Variants in LRRFIP2 observed in about 807,000 individuals in gnomAD.
LRRFIP2 encodes leucine-rich repeat flightless-interacting protein 2.
LRRFIP2 carries 109 observed loss-of-function variants against 125.9 expected under a neutral mutation model. That is an observed-to-expected ratio of 0.87 (90% confidence interval 0.74 to 1.01). The LOEUF is 1.01. LRRFIP2 is among the 50% of genes least tolerant of loss of function. LRRFIP2 has a pLI of 0.00. For missense variants in LRRFIP2, 850 were observed against 862.3 expected (o/e 0.99, Z 0.18); for synonymous variants, 291 against 293.1 (o/e 0.99, Z 0.07).
chr3:37,105,571 G>T (rs907539936), intron 13 of LRRFIP2, 48 bp from the exon 14 acceptor site: 1 of 1,392,022 alleles, frequency 7.2e-7, no homozygotes, highest in Non-Finnish European at 1.0e-6. Flanking sequence ...TTTTGCTATG[G>T]TGTTACCTCA....
At chr3:37,132,212 G>C (rs2095445146) in intron 2 of LRRFIP2, among the ~76,000 whole-genome samples, 1 of 151,748 alleles carries the variant, frequency 6.6e-6, no homozygotes, top group Non-Finnish European at 1.5e-5. Context: ...AAATCACAAA[G>C]CATCAAAACT....
intron 25 of LRRFIP2, among the ~76,000 whole-genome samples, chr3:37,058,430 C>G (rs1575756907): frequency 6.6e-6 from 1 of 152,024 alleles, no homozygotes; most frequent in South Asian, 2.1e-4. Context: ...TCCCAGCACT[C>G]TGGGAGGCTG....
intron 2 of LRRFIP2, among the ~76,000 whole-genome samples, chr3:37,137,947 A>T (rs781654583): frequency 1.2e-4 from 18 of 152,080 alleles, no homozygotes; most frequent in Non-Finnish European, 2.1e-4. Flanking sequence ...CCTTGAATCC[A>T]TCCTCTCCAT....
At chr3:37,066,182 A>G (rs767666717) in intron 22 of LRRFIP2, 42 bp downstream of exon 22, 5 of 1,531,894 alleles carry the variant, frequency 3.3e-6, no homozygotes, top group East Asian at 2.3e-5. Context: ...GATAGAGAGT[A>G]AAACAGTGAG....
chr3:37,108,067 GC>G lies in LRRFIP2; in HGVS notation c.714+5del, dbSNP rs2094410072. 6.2e-7 allele frequency: 1 copy of G among 1,612,984 alleles called. No homozygotes were observed. The highest frequency in any genetic ancestry group is 1.3e-5 in the African/African-American group (1 of 74,882). On this transcript the variant is annotated splice_donor_5th_base_variant and intron_variant, in intron 13 of 27. Transcript: ENST00000336686. ...CTACAAAGCATGCAGAGACTAGACA[GC>G]TCACCCCTGGACTGCTTCGGGCTGA...
At chr3:37,112,435 A>C in intron 8 of LRRFIP2, among the ~76,000 whole-genome samples, 1 of 152,202 alleles carries the variant, frequency 6.6e-6, no homozygotes, top group Non-Finnish European at 1.5e-5. Flanking sequence ...CTGCAGTTTA[A>C]TTACATTATA....
chr3:37,145,018 G>A (rs1577432419), intron 2 of LRRFIP2, among the ~76,000 whole-genome samples: 1 of 152,248 alleles, frequency 6.6e-6, no homozygotes, highest in East Asian at 1.9e-4. Context: ...GACAAATTAA[G>A]AGACATAATA....
intron 27 of LRRFIP2, 96 bp from the exon 28 acceptor site, chr3:37,054,057 C>A: frequency 1.3e-6 from 1 of 794,382 alleles, no homozygotes; most frequent in South Asian, 1.4e-5. Context: ...GCACTGCTAA[C>A]TGTGATGGCC....
intron 19 of LRRFIP2, among the ~76,000 whole-genome samples, chr3:37,077,769 A>G (rs899260873): frequency 6.6e-6 from 1 of 152,238 alleles, no homozygotes; most frequent in Non-Finnish European, 1.5e-5. Flanking sequence ...CCATTGATAG[A>G]TGAATGCATA....
chr3:37,054,268 A>T, intron 27 of LRRFIP2, 143 bp downstream of exon 27: 1 of 656,790 alleles, frequency 1.5e-6, no homozygotes, highest in South Asian at 1.9e-5. Flanking sequence ...GTCACTATGC[A>T]GGTCAAAAAC....
intron 26 of LRRFIP2, 140 bp downstream of exon 26, chr3:37,054,946 T>C (rs755847232): frequency 2.0e-5 from 12 of 604,662 alleles, no homozygotes; most frequent in South Asian, 4.1e-5. Context: ...TCCCAACAAG[T>C]GCTCTCTGCT....
At chr3:37,084,432 G>A (rs988154227) in intron 18 of LRRFIP2, among the ~76,000 whole-genome samples, 2 of 152,042 alleles carry the variant, frequency 1.3e-5, no homozygotes, top group South Asian at 4.1e-4. Flanking sequence ...GGAGGCCAAG[G>A]GGGTAGACTG....
chr3:37,076,494 C>T (rs2148940778), intron 19 of LRRFIP2, among the ~76,000 whole-genome samples: 1 of 152,190 alleles, frequency 6.6e-6, no homozygotes, highest in African/African-American at 2.4e-5. Context: ...TGCCATTGCA[C>T]TCCAGCCTGA....
chr3:37,169,174 C>G (rs927175549), intron 1 of LRRFIP2, among the ~76,000 whole-genome samples: 1 of 152,074 alleles, frequency 6.6e-6, no homozygotes, highest in Admixed American at 6.6e-5. Context: ...ACAAAATTAC[C>G]TAATGATGCA....
chr3:37,073,065 AG>A (rs2091507158), intron 20 of LRRFIP2, among the ~76,000 whole-genome samples, 183 bp from the exon 21 acceptor site: 1 of 149,264 alleles, frequency 6.7e-6, no homozygotes, highest in African/African-American at 2.6e-5. Context: ...CTTGGCCACA[AG>A]ATTCTTATTG....
intron 12 of LRRFIP2, 66 bp downstream of exon 12, chr3:37,108,571 T>TC: frequency 7.4e-7 from 1 of 1,344,914 alleles, no homozygotes; most frequent in Non-Finnish European, 1.0e-6. Flanking sequence ...TGACTTTTTC[T>TC]TTGAAAGTAA....
At position 37,127,522 on chromosome 3, in the gene LRRFIP2, C is replaced by T. The variant is rs554325332; in HGVS notation, c.228+108G>A. The T allele has an allele frequency of 4.9e-5, 54 of 1,108,820 alleles. No individual in the cohort carries two copies. The African/African-American group carries it at 8.1e-4, about 17-fold the overall frequency. 68.7% of individuals were successfully genotyped at this position (1,108,820 alleles called of 1,614,324 possible). ...ATAGACACTCTGACCTTTAGGTTCACACAGGCCAAACACTCCTACTTTGCA... is the reference window on the plus strand; with the variant it reads ...ATAGACACTCTGACCTTTAGGTTCATACAGGCCAAACACTCCTACTTTGCA... On this transcript the variant is annotated intron_variant, in intron 4 of 27. Transcript: ENST00000336686.
intron 25 of LRRFIP2, among the ~76,000 whole-genome samples, chr3:37,057,350 C>T (rs1355771426): frequency 6.6e-6 from 1 of 152,156 alleles, no homozygotes; most frequent in Non-Finnish European, 1.5e-5. Context: ...GTAGTAGCTT[C>T]CTAACTAGTC....
chr3:37,079,493 A>C (rs1277190027), intron 19 of LRRFIP2, among the ~76,000 whole-genome samples: 1 of 152,248 alleles, frequency 6.6e-6, no homozygotes, highest in Non-Finnish European at 1.5e-5. Context: ...CTGTAATTCC[A>C]ACACTTTGGG....
Sources: gnomAD v4.1 joint callset for allele counts (sites outside exome capture counted in the v4.1 genomes callset) on GRCh38, gnomAD v4.1.1 for gene constraint, MANE v1.5 for transcripts, NCBI Gene and HGNC (gene_info 2026-07-23, HGNC 2026-07-21) for gene names.